PTK6: variants seen among roughly 807,000 people sequenced by gnomAD.
PTK6 encodes the protein protein tyrosine kinase 6.
Under a neutral mutation model 47.5 loss-of-function variants are expected in PTK6, and 47 were observed. The ratio of observed to expected loss-of-function variants is 0.99; its 90% CI spans 0.78 to 1.26. The LOEUF (loss-of-function observed/expected upper bound fraction) is 1.26. Ranked by LOEUF, PTK6 falls within the 50% of genes most tolerant of loss-of-function variation. PTK6 has a pLI of 0.00. For missense variants in PTK6, 618 were observed against 625.3 expected (o/e 0.99, Z 0.12); for synonymous variants, 287 against 276.5 (o/e 1.04, Z -0.38).
At chr20:63,532,242 C>G (rs551120844) in intron 5 of PTK6, among the ~76,000 whole-genome samples, 13 of 141,846 alleles carry the variant, frequency 9.2e-5, no homozygotes, top group Middle Eastern at 3.6e-3. Context: ...TTGTGTGTCT[C>G]TGTGTGTGTG....
rs754079436 is a variant in PTK6, at chr20:63,534,940, G to A, written c.350C>T (p.Ser117Leu). ...SEKPSADYVLSVRDTQAVRHY... is the reference protein window; with the variant it reads ...SEKPSADYVLLVRDTQAVRHY... The stretch of plus-strand genomic sequence containing the variant: ...AGGCTCGGAGGCCGGGGCCGCACCC[G>A]ACAGGACGTAGTCGGCACTCGGCTT... Residue 117 changes from serine (S) to leucine (L), a missense_variant and splice_region_variant, in exon 2 of 8, where the codon TCG (serine) becomes TTG (leucine). Coordinates refer to ENST00000542869, the MANE Select transcript of PTK6 (RefSeq NM_005975.4). 65 of 1,599,276 alleles carry A rather than the reference G, an allele frequency of 4.1e-5. No individual in the cohort carries two copies. Among genetic ancestry groups the A allele is most frequent in the Non-Finnish European group, 4.9e-5 (57 of 1,173,950 alleles).
intron 1 of PTK6, among the ~76,000 whole-genome samples, chr20:63,536,837 G>GCATCCTTGTCA (rs948035178): frequency 2.6e-5 from 4 of 152,224 alleles, no homozygotes; most frequent in Admixed American, 2.6e-4. Flanking sequence ...TGAGCCCAAG[G>GCATCCTTGTCA]CAGGGGCCGT....
rs1457390721 is a variant in PTK6 at position 63,528,779 on chromosome 20, C to T, written c.*757G>A. The T allele has an allele frequency of 6.6e-6, 1 of 152,146 alleles. No individual in the cohort carries two copies. Among genetic ancestry groups the T allele is most frequent in the Non-Finnish European group, 1.5e-5 (1 of 68,054 alleles). 9.4% of individuals were successfully genotyped at this position (152,146 alleles called of 1,614,324 possible). On this transcript the variant is annotated 3_prime_UTR_variant, in exon 8 of 8. Coordinates refer to ENST00000542869, the MANE Select transcript of PTK6 (RefSeq NM_005975.4). ...ACCAAAACCAATAAGCTTTTTATGACTTAACCATGGATGAAAGAGACACCT... is the reference window on the plus strand; with the variant it reads ...ACCAAAACCAATAAGCTTTTTATGATTTAACCATGGATGAAAGAGACACCT...
rs762262372 is a variant in PTK6 at position 63,535,021 on chromosome 20, C to T, written c.269G>A (p.Arg90His). The T allele has an allele frequency of 1.4e-5, 23 of 1,608,336 alleles. No individual in the cohort carries two copies. The highest frequency in any genetic ancestry group is 8.4e-5 in the Admixed American group (5 of 59,822). Residue 90 changes from arginine to histidine, a missense_variant, in exon 2 of 8, where the codon CGT (arginine) becomes CAT (histidine). Coordinates refer to ENST00000542869, the MANE Select transcript of PTK6 (RefSeq NM_005975.4). ...GGCGTTGCCCTCGGCCTGCAGCCGACGCACAGCTTCCGAGCGGGAGATGCA... is the reference window on the plus strand; with the variant it reads ...GGCGTTGCCCTCGGCCTGCAGCCGATGCACAGCTTCCGAGCGGGAGATGCA... ...FGCISRSEAV[R>H]RLQAEGNATG...
chr20:63,533,620 A>G lies in PTK6; in HGVS notation c.601T>C (p.Tyr201His). The change falls in exon 4 of 8, where the codon TAC (tyrosine) becomes CAC (histidine). Residue 201 changes from tyrosine (Y) to histidine (H), a missense_variant. By Grantham distance (83) the Tyr-to-His change is moderately conservative (BLOSUM62 2). Transcript: ENST00000542869. This position sits in a 1 kb window ranked among gnomAD's most constrained non-coding sequence, Gnocchi z 4.0. Reference protein sequence around the residue: ...FTLCRKLGSGYFGEVFEGLWK... With the variant: ...FTLCRKLGSGHFGEVFEGLWK... ...AGCCCCTCGAAGACCTCCCCAAAGTAGCCGGACCCCAGCTTCCTGCAGAGC... is the reference window on the plus strand; with the variant it reads ...AGCCCCTCGAAGACCTCCCCAAAGTGGCCGGACCCCAGCTTCCTGCAGAGC... 2 of 1,613,942 alleles carry G rather than the reference A, an allele frequency of 1.2e-6. No homozygotes were observed. The highest frequency in any genetic ancestry group is 1.7e-6 in the Non-Finnish European group (2 of 1,179,994).
rs2082644055 is a variant in PTK6, at chr20:63,533,867, T to C, written c.517-163A>G. 6.6e-6 allele frequency among the ~76,000 whole-genome samples: 1 copy of C among 152,098 alleles called. No individual in the cohort carries two copies. Among genetic ancestry groups the C allele is most frequent in the Non-Finnish European group, 1.5e-5 (1 of 67,998 alleles). ...CACAAGGGTGGACTCTCCTGGGGGC[T>C]GCCCCCAGCCCAGCATGAAACACCC... is the stretch of plus-strand genomic sequence containing the variant. On this transcript the variant is annotated intron_variant, in intron 3 of 7. Transcript: ENST00000542869. This position sits in a 1 kb window ranked among gnomAD's most constrained non-coding sequence, Gnocchi z 4.0.
intron 2 of PTK6, 122 bp from the exon 3 acceptor site, chr20:63,534,437 C>T: frequency 1.6e-6 from 2 of 1,250,188 alleles, no homozygotes; most frequent in Non-Finnish European, 2.2e-6. Flanking sequence ...GGTGCTTCCT[C>T]AGTACCACCC....
chr20:63,529,477 C>T lies in PTK6; in HGVS notation c.*59G>A, dbSNP rs1018831532. The T allele has an allele frequency of 6.2e-6, 9 of 1,462,332 alleles. No homozygotes were observed. In the Admixed American group the frequency reaches 1.9e-4, roughly 30 times the overall value. 90.6% of individuals were successfully genotyped at this position (1,462,332 alleles called of 1,614,324 possible). ...AGCGCGTGGGCCTTGATCCCAGGTCCAGGCCCTCTGCCCAGGCCCCTCCTC... is the reference window on the plus strand; with the variant it reads ...AGCGCGTGGGCCTTGATCCCAGGTCTAGGCCCTCTGCCCAGGCCCCTCCTC... On this transcript the variant is annotated 3_prime_UTR_variant, in exon 8 of 8. Coordinates refer to ENST00000542869, the MANE Select transcript of PTK6 (RefSeq NM_005975.4). This position sits in a 1 kb window ranked among gnomAD's most constrained non-coding sequence, Gnocchi z 5.6.
Position 63,529,719 on chromosome 20 carries a change from C to T in PTK6, c.1173G>A (p.Met391Ile). ...CCCTCAGGAAGGCCTCATGGTTGGA[C>T]ATGCCTGCGGCCGACAGGGATGAGA... ...FSRGQVPYPG[M>I]SNHEAFLRVD... The change falls in exon 8 of 8, where the codon ATG becomes ATA. Residue 391 changes from methionine (M) to isoleucine (I), a missense_variant. Transcript: ENST00000542869. The surrounding 1 kb of genome is among the most constrained non-coding windows in gnomAD (Gnocchi z 5.6). 6.5e-7 allele frequency: 1 copy of T among 1,541,092 alleles called. No homozygotes were observed. Among genetic ancestry groups the T allele is most frequent in the South Asian group, 1.2e-5 (1 of 82,970 alleles).
rs748339981 is a variant in PTK6, at chr20:63,530,195, AG to A, written c.1050del (p.Tyr351ThrfsTer48). On this transcript the variant is annotated frameshift_variant, in exon 7 of 8. Transcript: ENST00000542869. LOFTEE classifies it high-confidence loss of function. This position sits in a 1 kb window ranked among gnomAD's most constrained non-coding sequence, Gnocchi z 4.1. ...AGCGCTTCAGGGGCCGTCCACTTGT[AG>A]GGGATATTGTGGTCATGGGAGAGGT... ...DVYLSHDHNI[P>X]YKWTAPEALS... is the part of the protein sequence containing the mutation. 6.2e-7 allele frequency: 1 copy of A among 1,613,942 alleles called. No homozygotes were observed.
rs764438690 is a variant in PTK6 at position 63,530,123 on chromosome 20, T to C, written c.1123A>G (p.Ile375Val). The change falls in exon 7 of 8, where the codon ATT becomes GTT. Residue 375 changes from isoleucine to valine, a missense_variant. Transcript: ENST00000542869. This position sits in a 1 kb window ranked among gnomAD's most constrained non-coding sequence, Gnocchi z 4.1. ...STKSDVWSFG[I>V]LLHEMFSRGQ... is the part of the protein sequence containing the mutation. ...CTGCTGAACATCTCATGCAGGAGAA[T>C]CCCAAAGGACCAGACGTCGGATTTG... The C allele has an allele frequency of 2.5e-6, 4 of 1,614,062 alleles. No individual in the cohort carries two copies. Among genetic ancestry groups the C allele is most frequent in the Non-Finnish European group, 3.4e-6 (4 of 1,180,008 alleles).
chr20:63,530,105 A>G lies in PTK6; in HGVS notation c.1141T>C (p.Phe381Leu). 6.2e-7 allele frequency: 1 copy of G among 1,614,062 alleles called. No homozygotes were observed. The highest frequency in any genetic ancestry group is 8.5e-7 in the Non-Finnish European group (1 of 1,180,014). ...WSFGILLHEMFSRGQVPYPGM... is the reference protein window; with the variant it reads ...WSFGILLHEMLSRGQVPYPGM... ...GGGTAGGGCACCTGACCCCTGCTGA[A>G]CATCTCATGCAGGAGAATCCCAAAG... is the stretch of plus-strand genomic sequence containing the variant. Residue 381 changes from phenylalanine (F) to leucine (L), a missense_variant, in exon 7 of 8, where the codon TTC becomes CTC. Physicochemically the swap from Phe to Leu is conservative, Grantham distance 22. Coordinates refer to ENST00000542869, the MANE Select transcript of PTK6 (RefSeq NM_005975.4). This position sits in a 1 kb window ranked among gnomAD's most constrained non-coding sequence, Gnocchi z 4.1.
chr20:63,536,811 C>T (rs994713739), intron 1 of PTK6, among the ~76,000 whole-genome samples: 2 of 152,226 alleles, frequency 1.3e-5, no homozygotes, highest in Non-Finnish European at 2.9e-5. Context: ...CGTCCACCCC[C>T]GAGCTGTGAC....
intron 4 of PTK6, among the ~76,000 whole-genome samples, chr20:63,532,974 G>C (rs1181777205): frequency 6.6e-6 from 1 of 152,204 alleles, no homozygotes; most frequent in Non-Finnish European, 1.5e-5. Context: ...CTCTGCTGGG[G>C]CCCAGACGGG....
In PTK6 at chr20:63,537,201, G is replaced by A; in HGVS notation, c.114C>T (p.Ala38=). ...SFRAGDVFHV[A]RKEEQWWWAT... ...CCCACCACCACTGCTCCTCCTTCCT[G>A]GCCACGTGGAAGACGTCCCCCGCGC... is the stretch of plus-strand genomic sequence containing the variant. The change falls in exon 1 of 8, where the codon GCC becomes GCT. Residue 38 remains alanine, a synonymous_variant. Transcript: ENST00000542869. The A allele has an allele frequency of 6.2e-7, 1 of 1,612,356 alleles. No homozygotes were observed. The highest frequency in any genetic ancestry group is 8.5e-7 in the Non-Finnish European group (1 of 1,179,798).
At position 63,529,475 on chromosome 20, in the gene PTK6, T is replaced by C; in HGVS notation, c.*61A>G. 6.8e-7 allele frequency: 1 copy of C among 1,463,814 alleles called. No individual in the cohort carries two copies. The highest frequency in any genetic ancestry group is 9.0e-7 in the Non-Finnish European group (1 of 1,105,282). The allele number at this position is 1,463,814 out of a possible 1,614,324, so 90.7% of individuals were successfully genotyped here. A position where few individuals can be genotyped will look rare whatever the true frequency, so the allele number is the denominator to read the frequency against. ...GAAGCGCGTGGGCCTTGATCCCAGG[T>C]CCAGGCCCTCTGCCCAGGCCCCTCC... On this transcript the variant is annotated 3_prime_UTR_variant, in exon 8 of 8. Transcript: ENST00000542869. This position sits in a 1 kb window ranked among gnomAD's most constrained non-coding sequence, Gnocchi z 5.6.
chr20:63,532,395 G>GTC (rs2082631473), intron 5 of PTK6, 131 bp downstream of exon 5: 1 of 1,188,110 alleles, frequency 8.4e-7, no homozygotes, highest in African/African-American at 1.6e-5. Context: ...CTGTGTCTGT[G>GTC]TGTGCATGTG....
chr20:63,533,666 C>T lies in PTK6; in HGVS notation c.555G>A (p.Glu185=). 6.2e-7 allele frequency: 1 copy of T among 1,613,870 alleles called. No individual in the cohort carries two copies. The highest frequency in any genetic ancestry group is 8.5e-7 in the Non-Finnish European group (1 of 1,179,936). The part of the protein sequence containing the change: ...PEPLPHWDDW[E]RPREEFTLCR... ...AGAGCGTGAACTCCTCCCTCGGCCT[C>T]TCCCAGTCATCCCAATGGGGCAGGG... is the stretch of plus-strand genomic sequence containing the variant. Residue 185 remains glutamate (E), a synonymous_variant, in exon 4 of 8, where the codon GAG becomes GAA. Coordinates refer to ENST00000542869, the MANE Select transcript of PTK6 (RefSeq NM_005975.4). The surrounding 1 kb of genome is among the most constrained non-coding windows in gnomAD (Gnocchi z 4.0).
At chr20:63,531,626 AAAG>A (rs1462679068) in intron 5 of PTK6, among the ~76,000 whole-genome samples, 2 of 151,118 alleles carry the variant, frequency 1.3e-5, no homozygotes, top group Non-Finnish European at 2.9e-5. Context: ...AAAAAAAAAA[AAAG>A]AACCAAGGAG....
Sources: allele counts gnomAD v4.1 joint callset (sites outside exome capture counted in the v4.1 genomes callset), GRCh38; gene constraint gnomAD v4.1.1; non-coding constraint Gnocchi (gnomAD v3.1); transcripts MANE v1.5; gene names NCBI Gene and HGNC (gene_info 2026-07-23, HGNC 2026-07-21).